Variants in ATP11A observed in about 807,000 individuals in gnomAD.
The protein encoded by ATP11A is ATPase phospholipid transporting 11A.
A neutral mutation model predicts 154.4 loss-of-function variants in ATP11A; 81 were observed. That is an observed-to-expected ratio of 0.52 (90% CI 0.44 to 0.63). The LOEUF (loss-of-function observed/expected upper bound fraction) is 0.63, where lower values mean the gene tolerates loss of function less well. Among genes scored for constraint, ATP11A ranks in the 30% least tolerant of loss-of-function variants. The probability of loss-of-function intolerance (pLI) is 0.00; values close to 1 mark genes in which losing one functional copy is unlikely to be tolerated. For synonymous variants in ATP11A, 623 were observed against 585.9 expected, an observed-to-expected ratio of 1.06 and a Z score of -0.91; for missense variants, 1,316 against 1,474.3, an observed-to-expected ratio of 0.89 and a Z score of 1.76.
chr13:112,885,669 A>G lies in ATP11A; in HGVS notation c.*3803A>G, dbSNP rs1033365560. The G allele has an allele frequency of 1.3e-5, 2 of 152,334 alleles. No homozygotes were observed. Among genetic ancestry groups the G allele is most frequent in the Admixed American group, 1.3e-4 (2 of 15,290 alleles). 9.4% of individuals were successfully genotyped at this position (152,334 alleles called of 1,614,324 possible). Reference sequence around the variant, plus strand: ...GGCTCCTGCAGGCGTGAATACACACATGCACACACATATACACACATGTGC... The same window carrying G: ...GGCTCCTGCAGGCGTGAATACACACGTGCACACACATATACACACATGTGC... On this transcript the variant is annotated 3_prime_UTR_variant, in exon 30 of 30. Transcript: ENST00000375645.
rs2080895391 is a variant in ATP11A at position 112,881,895 on chromosome 13, C to T, written c.*29C>T. 5 of 1,367,788 alleles carry T rather than the reference C, an allele frequency of 3.7e-6. No individual in the cohort carries two copies. Among genetic ancestry groups the T allele is most frequent in the Non-Finnish European group, 4.9e-6 (5 of 1,021,990 alleles). The allele number at this position is 1,367,788 out of a possible 1,614,324, so 84.7% of individuals were successfully genotyped here. ...CTGCAGAGCCCAGGCTACCAGAGCA[C>T]CTGTCCCTCGGCCGCCTGGTACAGC... On this transcript the variant is annotated 3_prime_UTR_variant, in exon 30 of 30. Coordinates refer to ENST00000375645, the MANE Select transcript of ATP11A (RefSeq NM_015205.3).
At chr13:112,781,025 C>G (rs184053871) in intron 1 of ATP11A, among the ~76,000 whole-genome samples, 11 of 151,956 alleles carry the variant, frequency 7.2e-5, no homozygotes, top group Admixed American at 6.6e-4. Flanking sequence ...GTGATGTGAC[C>G]CCGTCTTTTG....
chr13:112,772,907 A>G (rs533845854), intron 1 of ATP11A, among the ~76,000 whole-genome samples: 3 of 152,324 alleles, frequency 2.0e-5, no homozygotes, highest in Admixed American at 2.0e-4. Flanking sequence ...CATTCTGTAT[A>G]TATTCCAGGT....
chr13:112,751,638 C>T (rs372537040), intron 1 of ATP11A, among the ~76,000 whole-genome samples: 9 of 151,502 alleles, frequency 5.9e-5, no homozygotes, highest in African/African-American at 2.2e-4. Flanking sequence ...TCAGCCTGGG[C>T]GACAGTGAGG....
At chr13:112,748,616 G>A (rs375730398) in intron 1 of ATP11A, among the ~76,000 whole-genome samples, 38 of 152,242 alleles carry the variant, frequency 2.5e-4, no homozygotes, top group African/African-American at 7.9e-4. Flanking sequence ...TCCATTCGCC[G>A]AGGCCTCCAA....
intron 8 of ATP11A, among the ~76,000 whole-genome samples, chr13:112,822,341 C>G (rs544411921): frequency 6.6e-6 from 1 of 152,296 alleles, no homozygotes; most frequent in East Asian, 1.9e-4. Flanking sequence ...CTGCCTGCTG[C>G]TTATGTGGCT....
At chr13:112,740,165 TATATAG>T (rs1566409007) in intron 1 of ATP11A, among the ~76,000 whole-genome samples, 8 of 150,260 alleles carry the variant, frequency 5.3e-5, no homozygotes, top group African/African-American at 1.9e-4. Context: ...TATATATATA[TATATAG>T]ATATCTATAT....
chr13:112,748,127 T>A (rs1892386764), intron 1 of ATP11A, among the ~76,000 whole-genome samples: 1 of 152,332 alleles, frequency 6.6e-6, no homozygotes, highest in Middle Eastern at 3.4e-3. Flanking sequence ...GAATTTTGTG[T>A]TTAGATTTGG....
intron 1 of ATP11A, among the ~76,000 whole-genome samples, chr13:112,693,912 A>C (rs1444109795): frequency 1.3e-5 from 2 of 152,238 alleles, no homozygotes; most frequent in Non-Finnish European, 1.5e-5. Context: ...AGATCGCACC[A>C]TTGCACTCCA....
chr13:112,805,682 A>G (rs1277949221), intron 3 of ATP11A, among the ~76,000 whole-genome samples: 2 of 151,922 alleles, frequency 1.3e-5, no homozygotes, highest in East Asian at 3.9e-4. Flanking sequence ...CAAAAAAAAA[A>G]AAAAAAAGAG....
chr13:112,742,126 A>G (rs946295144), intron 1 of ATP11A, among the ~76,000 whole-genome samples: 9 of 152,222 alleles, frequency 5.9e-5, no homozygotes, highest in African/African-American at 2.2e-4. Flanking sequence ...CACAGGGAGC[A>G]GCCACCCCTG....
chr13:112,808,039 G>A (rs1279529018), intron 4 of ATP11A, among the ~76,000 whole-genome samples: 1 of 152,126 alleles, frequency 6.6e-6, no homozygotes, highest in Non-Finnish European at 1.5e-5. Context: ...GGAGAGGAGA[G>A]CGTGGAGTAG....
chr13:112,719,229 C>T (rs955194331), intron 1 of ATP11A, among the ~76,000 whole-genome samples: 6 of 152,182 alleles, frequency 3.9e-5, no homozygotes, highest in East Asian at 1.9e-4. Flanking sequence ...TGCCCTGTGA[C>T]GCGCAGGCAG....
At chr13:112,809,153 T>C (rs1404478314) in intron 4 of ATP11A, among the ~76,000 whole-genome samples, 3 of 151,906 alleles carry the variant, frequency 2.0e-5, no homozygotes, top group African/African-American at 7.3e-5. Flanking sequence ...GCTAAATAAG[T>C]GTGTTTAATG....
chr13:112,866,328 G>T (rs2080331391), intron 25 of ATP11A, among the ~76,000 whole-genome samples: 2 of 152,172 alleles, frequency 1.3e-5, no homozygotes, highest in Admixed American at 6.5e-5. Flanking sequence ...CTAGCTCTGT[G>T]TTAGAAGGGT....
intron 29 of ATP11A, chr13:112,880,621 C>T (rs768389344): frequency 3.6e-5 from 47 of 1,297,544 alleles, no homozygotes; most frequent in East Asian, 1.7e-4. Context: ...CCTCCTACGG[C>T]GGCCAAGGCG....
chr13:112,884,768 TCA>T lies in ATP11A; in HGVS notation c.*2903_*2904del. ...CACCCAGTCCCTGCCACAGACCGTC[TCA>T]GACACGCACAGTGGGCCTGCTGCAT... is the stretch of plus-strand genomic sequence containing the variant. On this transcript the variant is annotated 3_prime_UTR_variant, in exon 30 of 30. Transcript: ENST00000375645. The T allele has an allele frequency of 6.6e-6, 1 of 152,032 alleles. No individual in the cohort carries two copies. The highest frequency in any genetic ancestry group is 1.9e-4 in the East Asian group (1 of 5,188). The allele number at this position is 152,032 out of a possible 1,614,324, so 9.4% of individuals were successfully genotyped here.
At chr13:112,788,176 C>G (rs574272303) in intron 2 of ATP11A, among the ~76,000 whole-genome samples, 1 of 132,838 alleles carries the variant, frequency 7.5e-6, no homozygotes, top group African/African-American at 2.5e-5. Flanking sequence ...TTAATTCACA[C>G]CAAGTGTCCT....
At chr13:112,716,210 G>A (rs910514773) in intron 1 of ATP11A, among the ~76,000 whole-genome samples, 2 of 152,210 alleles carry the variant, frequency 1.3e-5, no homozygotes, top group African/African-American at 2.4e-5. Context: ...AGCATCCACC[G>A]TGGTGGGGCC....
Sources: allele counts gnomAD v4.1 joint callset (sites outside exome capture counted in the v4.1 genomes callset), GRCh38; gene constraint gnomAD v4.1.1; transcripts MANE v1.5; gene names NCBI Gene and HGNC (gene_info 2026-07-23, HGNC 2026-07-21).